The following SHTN1 variants were observed in gnomAD, a reference collection of about 807,000 sequenced individuals.
SHTN1 encodes the protein shootin 1, also known as shootin-1.
SHTN1 carries 42 observed loss-of-function variants against 83.1 expected under a neutral mutation model. The ratio of observed to expected loss-of-function variants is 0.51; its 90% CI spans 0.39 to 0.65. The LOEUF is 0.65. SHTN1 is among the 30% of genes least tolerant of loss of function. The pLI, the probability that SHTN1 is intolerant of heterozygous loss-of-function variation, is 0.00. For synonymous variants in SHTN1, 224 were observed against 247.7 expected (o/e 0.90, Z 0.90); for missense variants, 622 against 737.8 (o/e 0.84, Z 1.82).
intron 2 of SHTN1, among the ~76,000 whole-genome samples, chr10:116,970,957 C>A (rs774770746): frequency 7.2e-5 from 11 of 152,008 alleles, no homozygotes; most frequent in Non-Finnish European, 1.2e-4. Flanking sequence ...TTGCTGCATT[C>A]CTTATTTTTG....
At chr10:117,109,197 G>A (rs1853723418) in intron 1 of SHTN1, among the ~76,000 whole-genome samples, 1 of 152,128 alleles carries the variant, frequency 6.6e-6, no homozygotes, top group African/African-American at 2.4e-5. Context: ...GATATAATTA[G>A]TCTGAGGCAC....
At chr10:117,052,564 G>T (rs969359646) in intron 1 of SHTN1, among the ~76,000 whole-genome samples, 1 of 151,940 alleles carries the variant, frequency 6.6e-6, no homozygotes, top group Non-Finnish European at 1.5e-5. Flanking sequence ...AATTGAAACT[G>T]GTATAAGGAT....
chr10:117,085,789 T>C (rs964809559), intron 1 of SHTN1, among the ~76,000 whole-genome samples: 2 of 152,220 alleles, frequency 1.3e-5, no homozygotes, highest in African/African-American at 4.8e-5. Flanking sequence ...CTCATGTAGA[T>C]TGATGCTCTG....
At chr10:117,023,275 A>C (rs1852288138) in intron 2 of SHTN1, among the ~76,000 whole-genome samples, 1 of 152,236 alleles carries the variant, frequency 6.6e-6, no homozygotes, top group South Asian at 2.1e-4. Context: ...GAAATCTGTC[A>C]CGTGCAAATA....
intron 1 of SHTN1, among the ~76,000 whole-genome samples, chr10:117,097,901 T>C (rs1452412154): frequency 6.6e-6 from 1 of 152,110 alleles, no homozygotes; most frequent in African/African-American, 2.4e-5. Flanking sequence ...GTTTTTTTTT[T>C]TCCATCATCC....
chr10:117,078,873 T>C (rs1853205935), intron 1 of SHTN1, among the ~76,000 whole-genome samples: 1 of 152,096 alleles, frequency 6.6e-6, no homozygotes, highest in South Asian at 2.1e-4. Context: ...ATTTCATCTA[T>C]GTTATCAAAT....
At chr10:116,949,672 A>G in intron 6 of SHTN1, among the ~76,000 whole-genome samples, 1 of 152,358 alleles carries the variant, frequency 6.6e-6, no homozygotes, top group South Asian at 2.1e-4. Context: ...AATAATTTAA[A>G]TAAAATACAA....
At chr10:117,116,084 T>A (rs2133642610) in intron 1 of SHTN1, among the ~76,000 whole-genome samples, 2 of 151,656 alleles carry the variant, frequency 1.3e-5, no homozygotes, top group East Asian at 3.9e-4. Flanking sequence ...CAGAAATGAA[T>A]GAAATTAAGA....
At chr10:116,978,974 T>C (rs1850911663) in intron 2 of SHTN1, among the ~76,000 whole-genome samples, 1 of 152,220 alleles carries the variant, frequency 6.6e-6, no homozygotes, top group African/African-American at 2.4e-5. Context: ...AAAAGTACGA[T>C]TCCTGGGGAC....
At chr10:117,097,375 G>A (rs1853519243) in intron 1 of SHTN1, among the ~76,000 whole-genome samples, 3 of 152,212 alleles carry the variant, frequency 2.0e-5, no homozygotes, top group African/African-American at 7.2e-5. Flanking sequence ...AAAAGGTGAA[G>A]AGAAAAAAGT....
chr10:117,026,551 T>A (rs978816364), intron 2 of SHTN1, among the ~76,000 whole-genome samples: 1 of 152,132 alleles, frequency 6.6e-6, no homozygotes, highest in African/African-American at 2.4e-5. Flanking sequence ...GCCTCCCAAG[T>A]AGCTTGGATT....
At chr10:117,103,975 T>G (rs1205174907) in intron 1 of SHTN1, among the ~76,000 whole-genome samples, 3 of 152,234 alleles carry the variant, frequency 2.0e-5, no homozygotes, top group African/African-American at 7.2e-5. Context: ...GGGCTGAGGC[T>G]TTCAGTAAAT....
chr10:117,073,371 T>C (rs1853111217), intron 1 of SHTN1, among the ~76,000 whole-genome samples: 2 of 152,198 alleles, frequency 1.3e-5, no homozygotes, highest in African/African-American at 4.8e-5. Flanking sequence ...ATTATTTCAT[T>C]TAATTCTCAT....
intron 1 of SHTN1, among the ~76,000 whole-genome samples, chr10:117,049,152 G>A (rs1388173550): frequency 6.6e-6 from 1 of 152,072 alleles, no homozygotes; most frequent in Non-Finnish European, 1.5e-5. Context: ...CAATGGAAAG[G>A]GACAGACAGA....
intron 1 of SHTN1, among the ~76,000 whole-genome samples, chr10:117,064,385 G>A (rs183960988): frequency 6.6e-6 from 1 of 152,344 alleles, no homozygotes; most frequent in Admixed American, 6.5e-5. Context: ...GCCAGGCATG[G>A]TAGTTCATGC....
upstream of SHTN1, among the ~76,000 whole-genome samples, chr10:117,008,054 G>A (rs780335330): frequency 5.2e-4 from 79 of 151,910 alleles, no homozygotes; most frequent in Non-Finnish European, 1.1e-3. Flanking sequence ...CATCACGTTG[G>A]AGTTACTATT....
chr10:117,075,977 G>A (rs1043033657), intron 1 of SHTN1, among the ~76,000 whole-genome samples: 3 of 152,054 alleles, frequency 2.0e-5, no homozygotes, highest in Admixed American at 6.6e-5. Flanking sequence ...GAGTCCAGGA[G>A]TTTGAAACCA....
chr10:116,973,471 G>C (rs1302430618), intron 2 of SHTN1, among the ~76,000 whole-genome samples: 1 of 152,096 alleles, frequency 6.6e-6, no homozygotes, highest in Non-Finnish European at 1.5e-5. Flanking sequence ...TATAATCATT[G>C]AATGTCATTA....
chr10:116,887,898 A>G (rs1847215513), intron 16 of SHTN1, among the ~76,000 whole-genome samples: 1 of 152,218 alleles, frequency 6.6e-6, no homozygotes, highest in South Asian at 2.1e-4. Context: ...CAAAAACAAC[A>G]GAACAAATGA....
Sources: gnomAD v4.1 joint callset for allele counts (sites outside exome capture counted in the v4.1 genomes callset) on GRCh38, gnomAD v4.1.1 for gene constraint, MANE v1.5 for transcripts, NCBI Gene and HGNC (gene_info 2026-07-23, HGNC 2026-07-21) for gene names.